The following MRAP variants were observed in gnomAD, a reference collection of about 807,000 sequenced individuals.
The protein encoded by MRAP is melanocortin-2 receptor accessory protein.
MRAP carries 8 observed loss-of-function variants against 8.7 expected under a neutral mutation model. The observed-to-expected ratio is 0.92, with a 90% CI of 0.54 to 1.66. The LOEUF (loss-of-function observed/expected upper bound fraction) is 1.66. Ranked by LOEUF, MRAP falls within the 40% of genes most tolerant of loss-of-function variation. The probability of loss-of-function intolerance (pLI) is 0.00; values close to 1 mark genes in which losing one functional copy is unlikely to be tolerated. For synonymous variants in MRAP, 95 were observed against 95.5 expected, an observed-to-expected ratio of 1.00 and a Z score of 0.03; for missense variants, 237 against 217.1, an observed-to-expected ratio of 1.09 and a Z score of -0.58.
intron 1 of MRAP, among the ~76,000 whole-genome samples, chr21:32,304,950 TTTGTTTTTTTTG>T (rs1291313627): frequency 4.9e-4 from 71 of 144,744 alleles, no homozygotes; most frequent in African/African-American, 1.5e-3. Context: ...TTGAGGGGGA[TTTGTTTTTTTTG>T]TTGTTTTTTT....
chr21:32,294,736 A>G (rs2032110051), upstream of MRAP, among the ~76,000 whole-genome samples: 1 of 152,112 alleles, frequency 6.6e-6, no homozygotes, highest in Admixed American at 6.6e-5. Context: ...CAGTTTGTAA[A>G]GCTGCTGGGA....
At chr21:32,296,664 C>T (rs1191722639), upstream of MRAP, among the ~76,000 whole-genome samples, 5 of 151,936 alleles carry the variant, frequency 3.3e-5, no homozygotes, top group East Asian at 9.6e-4. Context: ...ATACTGTAGG[C>T]AATTATAACA....
chr21:32,294,584 G>T (rs1330408458), upstream of MRAP, among the ~76,000 whole-genome samples: 2 of 151,942 alleles, frequency 1.3e-5, no homozygotes, highest in African/African-American at 4.8e-5. Context: ...ATATACTCTT[G>T]GTATAAATTC....
intron 1 of MRAP, among the ~76,000 whole-genome samples, chr21:32,300,605 GAT>G (rs759258713): frequency 3.5e-5 from 5 of 140,886 alleles, no homozygotes; most frequent in Middle Eastern, 4.2e-3. Flanking sequence ...TCCTATGTCG[GAT>G]ATGTCACGCG....
chr21:32,292,318 G>T (rs951215878), intron 1 of MRAP, among the ~76,000 whole-genome samples: 3 of 152,190 alleles, frequency 2.0e-5, no homozygotes, highest in African/African-American at 7.2e-5. Context: ...TTGAGTGATG[G>T]TTACATGTGA....
At chr21:32,301,059 T>C (rs2032286962) in intron 1 of MRAP, among the ~76,000 whole-genome samples, 1 of 151,418 alleles carries the variant, frequency 6.6e-6, no homozygotes, top group Non-Finnish European at 1.5e-5. Flanking sequence ...ATATATATCA[T>C]ATCATATATC....
chr21:32,294,404 C>T (rs1251871952), upstream of MRAP, among the ~76,000 whole-genome samples: 6 of 152,172 alleles, frequency 3.9e-5, no homozygotes, highest in Admixed American at 2.0e-4. Flanking sequence ...CATGAGCCGC[C>T]GCACCCGGAC....
upstream of MRAP, among the ~76,000 whole-genome samples, chr21:32,297,310 T>G (rs1034441834): frequency 6.6e-6 from 1 of 152,202 alleles, no homozygotes; most frequent in Non-Finnish European, 1.5e-5. Context: ...GGCTGGGGAT[T>G]GAGTTCATTC....
intron 2 of MRAP, among the ~76,000 whole-genome samples, chr21:32,293,331 C>CA (rs56218980): frequency 0.28 from 40,932 of 146,918 alleles, 5,936 homozygotes; most frequent in East Asian, 0.5. Flanking sequence ...AACTGTAAGG[C>CA]AAAAAAAAAA....
rs773925606 is a variant in MRAP, at chr21:32,311,984, A to G, written c.507A>G (p.Gln169=). ...CTCCCCCTGGAGACAGGACCTCTCA[A>G]TTGCAGAGCTGATGTCAGTAAATCG... ...SEPPPGDRTS[Q]LQS Residue 169 remains glutamine, a synonymous_variant, in exon 3 of 3, where the codon CAA becomes CAG. Transcript: ENST00000303645. 6 of 1,613,264 alleles carry G rather than the reference A, an allele frequency of 3.7e-6. No homozygotes were observed. Among genetic ancestry groups the G allele is most frequent in the Non-Finnish European group, 5.1e-6 (6 of 1,180,020 alleles).
intron 1 of MRAP, among the ~76,000 whole-genome samples, chr21:32,304,688 G>A (rs2032364503): frequency 6.6e-6 from 1 of 151,796 alleles, no homozygotes; most frequent in South Asian, 2.1e-4. Flanking sequence ...CTCCTTTTAA[G>A]CTTAGGACAC....
intron 1 of MRAP, among the ~76,000 whole-genome samples, chr21:32,301,452 T>G (rs1481127173): frequency 3.3e-5 from 5 of 152,190 alleles, no homozygotes; most frequent in African/African-American, 1.2e-4. Context: ...CCCTTTGCCT[T>G]CTGCCATAAT....
intron 1 of MRAP, among the ~76,000 whole-genome samples, chr21:32,301,184 G>C (rs143325283): frequency 1.3e-5 from 2 of 151,808 alleles, no homozygotes; most frequent in South Asian, 4.2e-4. Context: ...GGATGGTCTC[G>C]ATCTCCTGAC....
intron 2 of MRAP, among the ~76,000 whole-genome samples, chr21:32,309,883 C>A (rs2032515431): frequency 6.6e-6 from 1 of 151,922 alleles, no homozygotes; most frequent in African/African-American, 2.4e-5. Flanking sequence ...GCAGAGGTTG[C>A]AGTTAGCCGA....
chr21:32,314,682 G>GT, downstream of MRAP: 2 of 1,601,762 alleles, frequency 1.2e-6, no homozygotes, highest in Non-Finnish European at 1.7e-6. Flanking sequence ...TCATGGCCTA[G>GT]AAGTCCCCAC....
intron 1 of MRAP, among the ~76,000 whole-genome samples, chr21:32,304,746 A>T (rs1050808753): frequency 6.6e-6 from 1 of 152,074 alleles, no homozygotes; most frequent in African/African-American, 2.4e-5. Context: ...AGGTGCTCTT[A>T]AACAGTTCCC....
rs542128174 is a variant in MRAP, at chr21:32,301,036, AATATATCATATGAT to A, written c.106+1971_106+1984del. On this transcript the variant is annotated intron_variant, in intron 1 of 2. Transcript: ENST00000303645. Reference sequence around the variant, plus strand: ...TATCGCATATGTATCAGATATATCAAATATATCATATGATATATATCATATCATATATCCATATA... The same window carrying A: ...TATCGCATATGTATCAGATATATCAAATATATCATATCATATATCCATATA... Among the ~76,000 whole-genome samples, 219 of 150,932 alleles carry A rather than the reference AATATATCATATGAT, an allele frequency of 1.5e-3. 2 individuals carry two copies. The highest frequency in any genetic ancestry group is 7.3e-3 in the South Asian group (35 of 4,822).
At chr21:32,300,554 T>G (rs978803203) in intron 1 of MRAP, among the ~76,000 whole-genome samples, 26 of 147,596 alleles carry the variant, frequency 1.8e-4, no homozygotes, top group African/African-American at 6.4e-4. Flanking sequence ...TCACGTGTCC[T>G]ATGTCAGATG....
chr21:32,300,652 G>T (rs1014053312), intron 1 of MRAP, among the ~76,000 whole-genome samples: 1 of 138,102 alleles, frequency 7.2e-6, no homozygotes, highest in African/African-American at 2.7e-5. Context: ...CCTATGCCGG[G>T]GGCGTCACAC....
Sources: gnomAD v4.1 joint callset for allele counts (sites outside exome capture counted in the v4.1 genomes callset) on GRCh38, gnomAD v4.1.1 for gene constraint, MANE v1.5 for transcripts, NCBI Gene and HGNC (gene_info 2026-07-23, HGNC 2026-07-21) for gene names.